Variants in DNAH11 observed in about 807,000 individuals in gnomAD.
DNAH11 encodes dynein axonemal heavy chain 11, also known as axonemal beta dynein heavy chain 11.
DNAH11 carries 442 observed loss-of-function variants against 526.0 expected under a neutral mutation model. The ratio of observed to expected loss-of-function variants is 0.84; its 90% CI spans 0.78 to 0.91. The LOEUF is 0.91. Among genes scored for constraint, DNAH11 ranks in the 40% least tolerant of loss-of-function variants. The probability of loss-of-function intolerance (pLI) is 0.00; values close to 1 mark genes in which losing one functional copy is unlikely to be tolerated. For missense variants in DNAH11, 6,989 were observed against 5,448.7 expected (o/e 1.28, Z -8.90); for synonymous variants, 2,461 against 1,935.9 (o/e 1.27, Z -7.12).
chr7:21,777,701 T>C (rs546291161), intron 56 of DNAH11, among the ~76,000 whole-genome samples: 5 of 152,336 alleles, frequency 3.3e-5, no homozygotes, highest in African/African-American at 1.2e-4. Context: ...TAGTTTCATA[T>C]GGCTAAAAAG....
In DNAH11 at chr7:21,749,774, G is replaced by C. The variant is rs72657369; in HGVS notation, c.8770G>C (p.Val2924Leu). 3 of 1,613,890 alleles carry C rather than the reference G, an allele frequency of 1.9e-6. No homozygotes were observed. The highest frequency in any genetic ancestry group is 2.5e-6 in the Non-Finnish European group (3 of 1,179,838). The part of the protein sequence containing the change: ...DAQVLDESFL[V>L]LINDLLASGE... The stretch of plus-strand genomic sequence containing the variant: ...CCAGGTTCTAGATGAGAGCTTCCTC[G>C]TGCTGATTAATGACTTGCTGGCATC... The change falls in exon 53 of 82, where the codon GTG (valine) becomes CTG (leucine). Residue 2924 changes from valine to leucine, a missense_variant. Physicochemically the swap from Val to Leu is conservative, Grantham distance 32 (BLOSUM62 1). Coordinates refer to ENST00000409508, the MANE Select transcript of DNAH11 (RefSeq NM_001277115.2).
In DNAH11 at chr7:21,571,966, C is replaced by G. The variant is rs183509559; in HGVS notation, c.1586C>G (p.Thr529Ser). 333 of 1,557,682 alleles carry G rather than the reference C, an allele frequency of 2.1e-4. No individual in the cohort carries two copies. Among genetic ancestry groups the G allele is most frequent in the Non-Finnish European group, 2.8e-4 (322 of 1,156,344 alleles). The change falls in exon 8 of 82, where the codon ACT (threonine) becomes AGT (serine). Residue 529 changes from threonine to serine, a missense_variant. Coordinates refer to ENST00000409508, the MANE Select transcript of DNAH11 (RefSeq NM_001277115.2). ...KQSTYDPSDC[T>S]NMEFESDYVA... ...AGCACTTATGACCCATCTGATTGCA[C>G]TAACATGGTAATGTTGTACCTTTGC...
intron 45 of DNAH11, among the ~76,000 whole-genome samples, chr7:21,733,087 C>A (rs1047636827): frequency 6.6e-6 from 1 of 152,116 alleles, no homozygotes; most frequent in Non-Finnish European, 1.5e-5. Flanking sequence ...GCTCTCCCAG[C>A]AAAGAAGAAG....
At chr7:21,765,636 A>ACACACACG in intron 55 of DNAH11, 47 bp downstream of exon 55, 1 of 1,452,478 alleles carries the variant, frequency 6.9e-7, no homozygotes, top group Non-Finnish European at 9.1e-7. Context: ...ACACACACAC[A>ACACACACG]CACACACACA....
rs777360011 is a variant in DNAH11 at position 21,571,922 on chromosome 7, CTG to C, written c.1544_1545del (p.Cys515Ter). 1.2e-6 allele frequency: 2 copies of C among 1,610,722 alleles called. No individual in the cohort carries two copies. The highest frequency in any genetic ancestry group is 4.5e-5 in the East Asian group (2 of 44,762). On this transcript the variant is annotated frameshift_variant, in exon 8 of 82. Coordinates refer to ENST00000409508, the MANE Select transcript of DNAH11 (RefSeq NM_001277115.2). LOFTEE classifies it high-confidence loss of function. ...HEMSEELMEL[C>X]KLFKQSTYDP... ...AGATGAGTGAAGAACTTATGGAACT[CTG>C]TAAACTTTTTAAACAGAGCACTTAT...
At chr7:21,603,798 A>T (rs1021617497) in intron 18 of DNAH11, among the ~76,000 whole-genome samples, 6 of 152,224 alleles carry the variant, frequency 3.9e-5, no homozygotes, top group African/African-American at 1.4e-4. Context: ...GTTGAACCTT[A>T]AACTATATCT....
intron 54 of DNAH11, among the ~76,000 whole-genome samples, chr7:21,755,973 CA>C (rs1275403081): frequency 6.6e-6 from 1 of 151,934 alleles, no homozygotes; most frequent in African/African-American, 2.4e-5. Flanking sequence ...TTTATATGTC[CA>C]GAATGTTCTG....
chr7:21,715,112 C>T (rs2128482136), intron 42 of DNAH11, among the ~76,000 whole-genome samples: 1 of 152,342 alleles, frequency 6.6e-6, no homozygotes, highest in Admixed American at 6.5e-5. Flanking sequence ...GCATGTACTG[C>T]TAACGTCTGC....
In DNAH11 at chr7:21,721,139, A is replaced by G. The variant is rs577240570; in HGVS notation, c.7266+283A>G. 6.7e-4 allele frequency among the ~76,000 whole-genome samples: 102 copies of G among 152,132 alleles called. 1 individual carries two copies. Among genetic ancestry groups the G allele is most frequent in the Admixed American group, 1.8e-3 (27 of 15,274 alleles). ...GGCCTCGCCTTCAGCATGCTGTTCT[A>G]CAAGAAGCCCCACTCAGTGTGCCTG... On this transcript the variant is annotated intron_variant, in intron 44 of 81. Coordinates refer to ENST00000409508, the MANE Select transcript of DNAH11 (RefSeq NM_001277115.2).
chr7:21,661,585 T>A (rs1782244348), intron 30 of DNAH11, among the ~76,000 whole-genome samples: 1 of 152,128 alleles, frequency 6.6e-6, no homozygotes, highest in South Asian at 2.1e-4. Context: ...AAGATTTCTT[T>A]CTTTTTGTGG....
At chr7:21,878,234 C>A (rs758195411) in intron 74 of DNAH11, among the ~76,000 whole-genome samples, 3 of 152,146 alleles carry the variant, frequency 2.0e-5, no homozygotes, top group Non-Finnish European at 2.9e-5. Context: ...TTTTTTCCTG[C>A]ATCATTTATG....
chr7:21,721,049 A>T (rs554554476), intron 44 of DNAH11, among the ~76,000 whole-genome samples, 193 bp downstream of exon 44: 1 of 152,232 alleles, frequency 6.6e-6, no homozygotes, highest in African/African-American at 2.4e-5. Flanking sequence ...GACAATGCCA[A>T]ATCCATACCC....
Position 21,872,123 on chromosome 7 carries a change from C to CAAAAA in DNAH11, c.11968-1129_11968-1125dup, listed in dbSNP as rs776718319. 4.9e-4 allele frequency among the ~76,000 whole-genome samples: 15 copies of CAAAAA among 30,832 alleles called. 2 individuals carry two copies. The highest frequency in any genetic ancestry group is 6.1e-4 in the Non-Finnish European group (11 of 17,974). 20.2% of individuals were successfully genotyped at this position (30,832 alleles called of 152,430 possible). A position where few individuals can be genotyped will look rare whatever the true frequency, so the allele number is the denominator to read the frequency against. On this transcript the variant is annotated intron_variant, in intron 73 of 81. Coordinates refer to ENST00000409508, the MANE Select transcript of DNAH11 (RefSeq NM_001277115.2). ...TGGGTGACAGAGCGAGACTCTGTCT[C>CAAAAA]AAAAAAAAAAAAAAAAAAAAAAAAA...
chr7:21,705,527 G>GA lies in DNAH11; in HGVS notation c.6539dup (p.Ser2181GlufsTer2). On this transcript the variant is annotated frameshift_variant, in exon 39 of 82. Transcript: ENST00000409508. LOFTEE classifies it high-confidence loss of function. ...TTTGTAGTTGGAAATGCAGGCACAGGAAAGAGTAAGGTATAGTAAATTGCC... is the reference window on the plus strand; with the variant it reads ...TTTGTAGTTGGAAATGCAGGCACAGGAAAAGAGTAAGGTATAGTAAATTGCC... 1 of 1,613,574 alleles carries GA rather than the reference G, an allele frequency of 6.2e-7. No homozygotes were observed. Among genetic ancestry groups the GA allele is most frequent in the Non-Finnish European group, 8.5e-7 (1 of 1,179,622 alleles).
chr7:21,633,978 G>C (rs2128458815), intron 25 of DNAH11, among the ~76,000 whole-genome samples: 1 of 152,268 alleles, frequency 6.6e-6, no homozygotes, highest in African/African-American at 2.4e-5. Flanking sequence ...GATAGGCCTG[G>C]ACAGATAGTC....
intron 65 of DNAH11, among the ~76,000 whole-genome samples, chr7:21,836,040 C>T (rs1781984065): frequency 1.3e-5 from 2 of 151,888 alleles, no homozygotes; most frequent in African/African-American, 4.8e-5. Context: ...AGAAATTTAA[C>T]CAAGGAGGTG....
chr7:21,880,599 T>C (rs1197303594), intron 74 of DNAH11, 103 bp from the exon 75 acceptor site: 1 of 1,192,798 alleles, frequency 8.4e-7, no homozygotes, highest in Non-Finnish European at 1.2e-6. Flanking sequence ...GCCTCTGTAG[T>C]ATCTCACTCT....
Position 21,591,269 on chromosome 7 carries a change from G to C in DNAH11, c.2359G>C (p.Asp787His), listed in dbSNP as rs1784670091. Reference protein sequence around the residue: ...LLEVEYPLIEDELRAIDEQLT... With the variant: ...LLEVEYPLIEHELRAIDEQLT... ...GGAAGTTGAATACCCTCTGATTGAAGATGAGCTGAGGGCTATTGACGAGCA... is the reference window on the plus strand; with the variant it reads ...GGAAGTTGAATACCCTCTGATTGAACATGAGCTGAGGGCTATTGACGAGCA... Residue 787 changes from aspartate (D) to histidine (H), a missense_variant, in exon 14 of 82, where the codon GAT becomes CAT. Coordinates refer to ENST00000409508, the MANE Select transcript of DNAH11 (RefSeq NM_001277115.2). The C allele has an allele frequency of 1.2e-6, 2 of 1,609,726 alleles. No homozygotes were observed. The highest frequency in any genetic ancestry group is 1.7e-5 in the Admixed American group (1 of 59,360).
chr7:21,835,696 G>A (rs1364773017), intron 65 of DNAH11, among the ~76,000 whole-genome samples: 1 of 152,000 alleles, frequency 6.6e-6, no homozygotes, highest in Admixed American at 6.6e-5. Context: ...TGTAAAATCT[G>A]AAACAAGACA....
Sources: allele counts gnomAD v4.1 joint callset (sites outside exome capture counted in the v4.1 genomes callset), GRCh38; gene constraint gnomAD v4.1.1; transcripts MANE v1.5; gene names NCBI Gene and HGNC (gene_info 2026-07-23, HGNC 2026-07-21).